Variants in CYGB observed in about 807,000 individuals in gnomAD.
CYGB encodes cytoglobin, also known as histoglobin.
A neutral mutation model predicts 20.7 loss-of-function variants in CYGB; 13 were observed. The ratio of observed to expected loss-of-function variants is 0.63; its 90% confidence interval spans 0.41 to 1.00. The LOEUF (loss-of-function observed/expected upper bound fraction) is 1.00, where lower values mean the gene tolerates loss of function less well. CYGB is among the 50% of genes least tolerant of loss of function. The pLI, the probability that CYGB is intolerant of heterozygous loss-of-function variation, is 0.00. For synonymous variants in CYGB, 93 were observed against 107.4 expected, an observed-to-expected ratio of 0.87 and a Z score of 0.83; for missense variants, 218 against 257.2, an observed-to-expected ratio of 0.85 and a Z score of 1.04.
chr17:76,542,633 G>C, upstream of CYGB: 1 of 1,601,254 alleles, frequency 6.2e-7, no homozygotes, highest in Non-Finnish European at 8.6e-7. Context: ...GGCTCAGGCA[G>C]GTAGGGCAGG....
At chr17:76,538,482 C>T (rs2074949466), upstream of CYGB, 1 of 466,268 alleles carries the variant, frequency 2.1e-6, no homozygotes, top group South Asian at 1.6e-5. Flanking sequence ...CAGAAGTCCC[C>T]CGTGGCTTAT....
At chr17:76,538,947 G>T (rs1026550019), upstream of CYGB, among the ~76,000 whole-genome samples, 3 of 152,234 alleles carry the variant, frequency 2.0e-5, no homozygotes, top group Non-Finnish European at 4.4e-5. Flanking sequence ...CTTAAAATCC[G>T]ACTTTAAGGT....
rs890710742 is a variant in CYGB, at chr17:76,531,450, G to C, written c.375+10C>G. 85 of 1,599,600 alleles carry C rather than the reference G, an allele frequency of 5.3e-5. No individual in the cohort carries two copies. Among genetic ancestry groups the C allele is most frequent in the Non-Finnish European group, 7.2e-5 (84 of 1,167,982 alleles). On this transcript the variant is annotated intron_variant, in intron 2 of 3. Transcript: ENST00000293230. The surrounding 1 kb of genome is among the most constrained non-coding windows in gnomAD (Gnocchi z 7.4). ...GCGGTGGGGGCTCTGCAGCAGATGG[G>C]GGCGCATACCTTGAAGTACACCGGT...
At chr17:76,537,015 C>T (rs1223362358) in intron 1 of CYGB, among the ~76,000 whole-genome samples, 2 of 152,216 alleles carry the variant, frequency 1.3e-5, no homozygotes, top group East Asian at 3.8e-4. Flanking sequence ...GGCTGAGCCT[C>T]GGTTTTCCCA....
rs2074936028 is a variant in CYGB, at chr17:76,537,692, C to G, written c.-150G>C. On this transcript the variant is annotated 5_prime_UTR_variant, in exon 1 of 4. Coordinates refer to ENST00000293230, the MANE Select transcript of CYGB (RefSeq NM_134268.5). ...CGGAGGGAGGGAGCGTGTGTCTGTGCGCGCCGGGTGTGTGTGTGTGTGTGC... is the reference window on the plus strand; with the variant it reads ...CGGAGGGAGGGAGCGTGTGTCTGTGGGCGCCGGGTGTGTGTGTGTGTGTGC... The G allele has an allele frequency of 4.4e-6, 3 of 685,876 alleles. No individual in the cohort carries two copies. The highest frequency in any genetic ancestry group is 3.6e-6 in the Non-Finnish European group (2 of 560,414). The allele number at this position is 685,876 out of a possible 1,614,324, so 42.5% of individuals were successfully genotyped here.
chr17:76,531,510 C>A lies in CYGB; in HGVS notation c.325G>T (p.Val109Leu), dbSNP rs1209362288. Residue 109 changes from valine to leucine, a missense_variant, in exon 2 of 4, where the codon GTG becomes TTG. Val to Leu is a conservative substitution (Grantham distance 32, BLOSUM62 1). Transcript: ENST00000293230. This position sits in a 1 kb window ranked among gnomAD's most constrained non-coding sequence, Gnocchi z 7.4. ...TGCTTGAGGGCGTGGGCTTTCCCCA[C>A]AAGGGCGAGCACAGAGGACACCTTG... ...PDKVSSVLAL[V>L]GKAHALKHKV... 3 of 1,613,724 alleles carry A rather than the reference C, an allele frequency of 1.9e-6. No homozygotes were observed. Among genetic ancestry groups the A allele is most frequent in the Non-Finnish European group, 2.5e-6 (3 of 1,179,620 alleles).
chr17:76,535,677 G>A (rs2074906121), intron 1 of CYGB, among the ~76,000 whole-genome samples: 1 of 152,202 alleles, frequency 6.6e-6, no homozygotes, highest in African/African-American at 2.4e-5. Flanking sequence ...GGAACTGGAA[G>A]AGGGGTGTAG....
At chr17:76,529,019 A>G in intron 3 of CYGB, 1 of 991,092 alleles carries the variant, frequency 1.0e-6, no homozygotes, top group Non-Finnish European at 1.2e-6. Context: ...TTCTCGGTAC[A>G]CACAGCGCCC....
intron 1 of CYGB, among the ~76,000 whole-genome samples, chr17:76,534,124 T>TTCTCTCTC (rs2074883627): frequency 7.4e-6 from 1 of 134,684 alleles, no homozygotes; most frequent in South Asian, 2.6e-4. Context: ...CTTTCTTTCT[T>TTCTCTCTC]TCTTTCTCTC....
rs1316942869 is a variant in CYGB, at chr17:76,528,994, A to T, written c.540-383T>A. 9.9e-7 allele frequency: 1 copy of T among 1,005,642 alleles called. No homozygotes were observed. The highest frequency in any genetic ancestry group is 1.7e-5 in the African/African-American group (1 of 57,868). The allele number at this position is 1,005,642 out of a possible 1,614,324, so 62.3% of individuals were successfully genotyped here. ...TGTCTCGTCCCTCCTCGGGCCACCC[A>T]TCTGTATTCTCGTATTCTCGGTACA... On this transcript the variant is annotated intron_variant, in intron 3 of 3. Transcript: ENST00000293230. The surrounding 1 kb of genome is among the most constrained non-coding windows in gnomAD (Gnocchi z 5.8).
chr17:76,529,203 A>C, intron 3 of CYGB: 1 of 985,290 alleles, frequency 1.0e-6, no homozygotes, highest in South Asian at 4.7e-5. Flanking sequence ...CCTCGAGCCC[A>C]TGGGGACCCT....
chr17:76,540,620 G>A (rs1351814279), upstream of CYGB: 1 of 1,578,936 alleles, frequency 6.3e-7, no homozygotes, highest in Non-Finnish European at 8.7e-7. This position sits in a 1 kb window ranked among gnomAD's most constrained non-coding sequence, Gnocchi z 5.0. Flanking sequence ...TGCCAAGGAA[G>A]CTGTGGCTGT....
At position 76,537,599 on chromosome 17, in the gene CYGB, G is replaced by C; in HGVS notation, c.-57C>G. ...GGCGGCGGCGGTGGCGGGGCGCGGG[G>C]CGCGGGGCGCGGGGCGCCGGGAGCC... On this transcript the variant is annotated 5_prime_UTR_variant, in exon 1 of 4. Coordinates refer to ENST00000293230, the MANE Select transcript of CYGB (RefSeq NM_134268.5). The C allele has an allele frequency of 9.5e-7, 1 of 1,048,808 alleles. No homozygotes were observed. The highest frequency in any genetic ancestry group is 1.1e-6 in the Non-Finnish European group (1 of 871,146). The allele number at this position is 1,048,808 out of a possible 1,614,324, so 65.0% of individuals were successfully genotyped here.
At position 76,530,728 on chromosome 17, in the gene CYGB, G is replaced by T. The variant is rs1201032405; in HGVS notation, c.539+251C>A. Among the ~76,000 whole-genome samples the T allele has an allele frequency of 1.3e-5, 2 of 152,200 alleles. No individual in the cohort carries two copies. The highest frequency in any genetic ancestry group is 2.9e-5 in the Non-Finnish European group (2 of 68,022). ...GCTCTGAGCTCTCCCTGGCTCTAGG[G>T]AAGGGGAAGGCTCTTTGGGAGGATT... On this transcript the variant is annotated intron_variant, in intron 3 of 3. Transcript: ENST00000293230. This position sits in a 1 kb window ranked among gnomAD's most constrained non-coding sequence, Gnocchi z 6.1.
At chr17:76,548,281 C>T (rs1396264367) in intron 1 of CYGB, among the ~76,000 whole-genome samples, 1 of 152,278 alleles carries the variant, frequency 6.6e-6, no homozygotes, top group East Asian at 1.9e-4. Flanking sequence ...AACATACATA[C>T]ACACAGAGAG....
At chr17:76,539,455 C>T (rs62086576), upstream of CYGB, among the ~76,000 whole-genome samples, 8,909 of 152,174 alleles carry the variant, frequency 0.059, 387 homozygotes, top group Non-Finnish European at 0.093. Context: ...CTGAAGAGGG[C>T]GTGTAATCAG....
At chr17:76,547,571 T>C (rs1343128453) in intron 1 of CYGB, among the ~76,000 whole-genome samples, 3 of 151,884 alleles carry the variant, frequency 2.0e-5, no homozygotes, top group African/African-American at 4.8e-5. Flanking sequence ...TTTTTAAAAA[T>C]TTACTAACAG....
Position 76,533,630 on chromosome 17 carries a change from G to A in CYGB, c.144-1939C>T, listed in dbSNP as rs1161085115. 6.6e-6 allele frequency among the ~76,000 whole-genome samples: 1 copy of A among 152,098 alleles called. No homozygotes were observed. Among genetic ancestry groups the A allele is most frequent in the African/African-American group, 2.4e-5 (1 of 41,398 alleles). On this transcript the variant is annotated intron_variant, in intron 1 of 3. Coordinates refer to ENST00000293230, the MANE Select transcript of CYGB (RefSeq NM_134268.5). The surrounding 1 kb of genome is among the most constrained non-coding windows in gnomAD (Gnocchi z 4.5). Reference sequence around the variant, plus strand: ...TCCAGCTACTCAGGGGCCTAAAGTGGGAGGATCACTTGAACCCGGGAGGCC... The same window carrying A: ...TCCAGCTACTCAGGGGCCTAAAGTGAGAGGATCACTTGAACCCGGGAGGCC...
intron 1 of CYGB, among the ~76,000 whole-genome samples, chr17:76,534,178 T>TCTCTCTCTCTCTC (rs1567907880): frequency 6.2e-5 from 4 of 64,018 alleles, no homozygotes; most frequent in South Asian, 6.6e-4. Flanking sequence ...CTCTCTCTCT[T>TCTCTCTCTCTCTC]TCTTTCTTTC....
Sources: allele counts gnomAD v4.1 joint callset (sites outside exome capture counted in the v4.1 genomes callset), GRCh38; gene constraint gnomAD v4.1.1; non-coding constraint Gnocchi (gnomAD v3.1); transcripts MANE v1.5; gene names NCBI Gene and HGNC (gene_info 2026-07-23, HGNC 2026-07-21).